The following SPIRE1 variants were observed in gnomAD, a reference collection of about 807,000 sequenced individuals.
SPIRE1 encodes the protein protein spire homolog 1.
Under a neutral mutation model 94.1 loss-of-function variants are expected in SPIRE1, and 40 were observed. The observed-to-expected ratio is 0.43, with a 90% confidence interval of 0.33 to 0.55. The LOEUF is 0.55. SPIRE1 is among the 20% of genes least tolerant of loss of function. SPIRE1 has a pLI of 0.06. For missense variants in SPIRE1, 838 were observed against 975.2 expected, an observed-to-expected ratio of 0.86 and a Z score of 1.87; for synonymous variants, 376 against 371.7, an observed-to-expected ratio of 1.01 and a Z score of -0.13.
In SPIRE1 at chr18:12,579,111, A is replaced by C. The variant is rs1184282499; in HGVS notation, c.373-32207T>G. On this transcript the variant is annotated intron_variant, in intron 2 of 16. Coordinates refer to ENST00000409402, the MANE Select transcript of SPIRE1 (RefSeq NM_001128626.2). The stretch of plus-strand genomic sequence containing the variant: ...AAGAGAAGGGGAGGAAAAAAAACCC[A>C]AAAACCATCAAAGACAATCAAATCT... Among the ~76,000 whole-genome samples, 21 of 152,050 alleles carry C rather than the reference A, an allele frequency of 1.4e-4. 1 individual carries two copies. Among genetic ancestry groups the C allele is most frequent in the Admixed American group, 1.4e-3 (21 of 15,260 alleles).
In SPIRE1 at chr18:12,496,105, A is replaced by G. The variant is rs2046578161; in HGVS notation, c.973-3T>C. ...CGAGGGGGAATATCACCATTCACCTAAAAGGAGACAAAAAGCAGAAGATTC... is the reference window on the plus strand; with the variant it reads ...CGAGGGGGAATATCACCATTCACCTGAAAGGAGACAAAAAGCAGAAGATTC... On this transcript the variant is annotated splice_region_variant and splice_polypyrimidine_tract_variant and intron_variant, in intron 6 of 16. Coordinates refer to ENST00000409402, the MANE Select transcript of SPIRE1 (RefSeq NM_001128626.2). 1 of 1,602,608 alleles carries G rather than the reference A, an allele frequency of 6.2e-7. No homozygotes were observed. The highest frequency in any genetic ancestry group is 1.1e-5 in the South Asian group (1 of 90,842).
Position 12,449,470 on chromosome 18 carries a change from A to G in SPIRE1, c.*168T>C. 1 of 700,312 alleles carries G rather than the reference A, an allele frequency of 1.4e-6. No homozygotes were observed. Among genetic ancestry groups the G allele is most frequent in the Admixed American group, 2.9e-5 (1 of 34,200 alleles). The allele number at this position is 700,312 out of a possible 1,614,324, so 43.4% of individuals were successfully genotyped here. ...CGGACCTGTCACGTTTCATCAATCG[A>G]TACGAACACAGCATTCAGTCTGTGG... On this transcript the variant is annotated 3_prime_UTR_variant, in exon 17 of 17. Transcript: ENST00000409402.
At chr18:12,557,656 G>A (rs927474693) in intron 2 of SPIRE1, among the ~76,000 whole-genome samples, 1 of 152,060 alleles carries the variant, frequency 6.6e-6, no homozygotes, top group African/African-American at 2.4e-5. Context: ...GGCCTGAGGA[G>A]GCACCAAGAG....
At chr18:12,593,348 AC>A (rs2036584643) in intron 2 of SPIRE1, among the ~76,000 whole-genome samples, 1 of 152,264 alleles carries the variant, frequency 6.6e-6, no homozygotes, top group East Asian at 1.9e-4. Flanking sequence ...GAATAAATTT[AC>A]TAAGAATTCA....
chr18:12,554,519 A>T (rs1399629696), intron 2 of SPIRE1, among the ~76,000 whole-genome samples: 1 of 152,172 alleles, frequency 6.6e-6, no homozygotes, highest in Non-Finnish European at 1.5e-5. Flanking sequence ...CAGCAAAGAA[A>T]ATCCTAGGAC....
At chr18:12,577,860 C>T (rs2036152622) in intron 2 of SPIRE1, among the ~76,000 whole-genome samples, 2 of 151,956 alleles carry the variant, frequency 1.3e-5, no homozygotes, top group South Asian at 4.1e-4. Flanking sequence ...AAAAACAGAA[C>T]TCAGTAAGAT....
chr18:12,525,276 CA>C (rs1170791088), intron 4 of SPIRE1, among the ~76,000 whole-genome samples: 3,627 of 71,232 alleles, frequency 0.051, 54 homozygotes, highest in Admixed American at 0.095. Context: ...GACTCCGTCT[CA>C]AAAAAAAAAA....
At chr18:12,591,704 G>A (rs561116009) in intron 2 of SPIRE1, among the ~76,000 whole-genome samples, 22 of 152,204 alleles carry the variant, frequency 1.4e-4, no homozygotes, top group Middle Eastern at 3.4e-3. Context: ...ATAGGCTAGC[G>A]TGGTGGATCA....
At chr18:12,589,952 G>A (rs1365016913) in intron 2 of SPIRE1, among the ~76,000 whole-genome samples, 1 of 152,142 alleles carries the variant, frequency 6.6e-6, no homozygotes, top group Non-Finnish European at 1.5e-5. Context: ...ACAGACGTTT[G>A]CAATTTTTAA....
chr18:12,485,038 TACAAATCTGAGGC>T (rs1435571728), intron 9 of SPIRE1, among the ~76,000 whole-genome samples: 1 of 152,020 alleles, frequency 6.6e-6, no homozygotes, highest in Non-Finnish European at 1.5e-5. Flanking sequence ...AAACTTGTAC[TACAAATCTGAGGC>T]ACATAATTAT....
chr18:12,502,906 G>A (rs1470590559), intron 6 of SPIRE1, among the ~76,000 whole-genome samples: 4 of 152,156 alleles, frequency 2.6e-5, no homozygotes, highest in Middle Eastern at 3.4e-3. Flanking sequence ...TTAGGAGTTC[G>A]AGACCAGCGT....
chr18:12,556,844 A>G (rs972514215), intron 2 of SPIRE1, among the ~76,000 whole-genome samples: 4 of 152,194 alleles, frequency 2.6e-5, no homozygotes, highest in African/African-American at 7.2e-5. Flanking sequence ...AAGCTTCCAC[A>G]GTGTGGAAGG....
intron 2 of SPIRE1, among the ~76,000 whole-genome samples, chr18:12,622,414 G>A: frequency 7.4e-6 from 1 of 136,020 alleles, no homozygotes; most frequent in Non-Finnish European, 1.6e-5. Flanking sequence ...ACGGAGCTAT[G>A]TCCAGTCTTT....
At chr18:12,633,459 C>T (rs1022355019) in intron 2 of SPIRE1, among the ~76,000 whole-genome samples, 2 of 152,028 alleles carry the variant, frequency 1.3e-5, no homozygotes, top group Admixed American at 1.3e-4. Context: ...GCCTGTAGTC[C>T]CAGCGACTCG....
At chr18:12,656,057 C>A (rs1029096380) in intron 1 of SPIRE1, among the ~76,000 whole-genome samples, 5 of 150,792 alleles carry the variant, frequency 3.3e-5, no homozygotes, top group African/African-American at 1.2e-4. Flanking sequence ...CAACACCACG[C>A]CCGGCTAATT....
intron 2 of SPIRE1, among the ~76,000 whole-genome samples, chr18:12,627,286 C>T (rs941544434): frequency 6.6e-6 from 1 of 151,800 alleles, no homozygotes; most frequent in Admixed American, 6.6e-5. Context: ...TGTTCAATTC[C>T]CACCTATGAG....
At chr18:12,476,511 A>G (rs1195048551) in intron 10 of SPIRE1, among the ~76,000 whole-genome samples, 5 of 136,440 alleles carry the variant, frequency 3.7e-5, no homozygotes, top group African/African-American at 1.3e-4. Flanking sequence ...ATTGTGCTAC[A>G]GCCTGGCTGG....
intron 1 of SPIRE1, among the ~76,000 whole-genome samples, chr18:12,646,414 T>C (rs1254559440): frequency 6.6e-6 from 1 of 152,156 alleles, no homozygotes. Context: ...GTGCAGTTTA[T>C]CCCTCTTTGT....
intron 2 of SPIRE1, among the ~76,000 whole-genome samples, chr18:12,615,345 A>AAAAAAAAAAAAAAAAATATATATATATAT: frequency 5.8e-5 from 1 of 17,234 alleles, no homozygotes; most frequent in Non-Finnish European, 1.9e-4. Context: ...AAAAAAAAAA[A>AAAAAAAAAAAAAAAAATATATATATATAT]ATATATATAT....
Sources: gnomAD v4.1 joint callset for allele counts (sites outside exome capture counted in the v4.1 genomes callset) on GRCh38, gnomAD v4.1.1 for gene constraint, MANE v1.5 for transcripts, NCBI Gene and HGNC (gene_info 2026-07-23, HGNC 2026-07-21) for gene names.